The following SNTG2 variants were observed in gnomAD, a reference collection of about 807,000 sequenced individuals.
SNTG2 encodes syntrophin gamma 2, also known as gamma-2-syntrophin.
In SNTG2, 74 loss-of-function variants were observed where a neutral mutation model predicts 70.9. The ratio of observed to expected loss-of-function variants is 1.04; its 90% CI spans 0.86 to 1.27. The LOEUF is 1.27. Ranked by LOEUF, SNTG2 falls within the 50% of genes most tolerant of loss-of-function variation. The probability of loss-of-function intolerance (pLI) is 0.00; values close to 1 mark genes in which losing one functional copy is unlikely to be tolerated. For synonymous variants in SNTG2, 278 were observed against 273.8 expected (o/e 1.02, Z -0.15); for missense variants, 717 against 690.7 (o/e 1.04, Z -0.43).
intron 1 of SNTG2, among the ~76,000 whole-genome samples, chr2:962,716 G>A (rs987542514): frequency 1.3e-5 from 2 of 152,162 alleles, no homozygotes; most frequent in African/African-American, 4.8e-5. Context: ...ACCTCATGAT[G>A]TTAAGTAATG....
chr2:1,135,095 G>A (rs202191859), intron 4 of SNTG2, among the ~76,000 whole-genome samples: 3 of 152,168 alleles, frequency 2.0e-5, no homozygotes, highest in Non-Finnish European at 2.9e-5. Context: ...CCCTATGTGC[G>A]TTTTTCTGAT....
In SNTG2 at chr2:1,097,708, A is replaced by G. The variant is rs190866923; in HGVS notation, c.211-488A>G. On this transcript the variant is annotated intron_variant, in intron 2 of 16. Transcript: ENST00000308624. The surrounding 1 kb of genome is among the most constrained non-coding windows in gnomAD (Gnocchi z 4.1). ...GACATCTGTGGTCAGAGGACGTGAA[A>G]AAATGGATCATTCATGAATTAATAT... 9.9e-5 allele frequency among the ~76,000 whole-genome samples: 15 copies of G among 152,218 alleles called. No homozygotes were observed. The highest frequency in any genetic ancestry group is 9.2e-4 in the Admixed American group (14 of 15,298).
chr2:1,363,024 G>T (rs1661283279), intron 16 of SNTG2, among the ~76,000 whole-genome samples: 1 of 151,908 alleles, frequency 6.6e-6, no homozygotes, highest in Non-Finnish European at 1.5e-5. Context: ...GAGCATTTCA[G>T]TAGAACTTCC....
In SNTG2 at chr2:1,367,514, C is replaced by T. The variant is rs769317630; in HGVS notation, c.*40C>T. 5 of 1,544,154 alleles carry T rather than the reference C, an allele frequency of 3.2e-6. No homozygotes were observed. The highest frequency in any genetic ancestry group is 2.4e-5 in the South Asian group (2 of 82,794). ...GAGTGCTGAAAAATTAAATTATTTT[C>T]GTAAGAAATGATTCTTTCCTGCAGA... is the stretch of plus-strand genomic sequence containing the variant. On this transcript the variant is annotated 3_prime_UTR_variant, in exon 17 of 17. Transcript: ENST00000308624.
At chr2:1,206,745 G>T (rs975650396) in intron 8 of SNTG2, among the ~76,000 whole-genome samples, 1 of 152,022 alleles carries the variant, frequency 6.6e-6, no homozygotes, top group Non-Finnish European at 1.5e-5. Flanking sequence ...AGAAAAAATG[G>T]GTTTTCTCAG....
intron 9 of SNTG2, among the ~76,000 whole-genome samples, chr2:1,212,065 C>T (rs1416668359): frequency 1.3e-5 from 2 of 152,148 alleles, no homozygotes; most frequent in African/African-American, 4.8e-5. Flanking sequence ...CTATCACACA[C>T]TGATTTGGTT....
At chr2:1,297,533 C>T (rs1176805689) in intron 14 of SNTG2, among the ~76,000 whole-genome samples, 1 of 151,294 alleles carries the variant, frequency 6.6e-6, no homozygotes, top group Non-Finnish European at 1.5e-5. Context: ...AGCCCTGCAC[C>T]TCTGCAGCTC....
chr2:1,130,212 A>G (rs1192619174), intron 4 of SNTG2, among the ~76,000 whole-genome samples: 1 of 152,190 alleles, frequency 6.6e-6, no homozygotes, highest in African/African-American at 2.4e-5. Context: ...ATGGACATGG[A>G]CATCCCAGAT....
intron 14 of SNTG2, among the ~76,000 whole-genome samples, chr2:1,302,822 A>G (rs114044964): frequency 0.034 from 5,159 of 152,278 alleles, 129 homozygotes; most frequent in Non-Finnish European, 0.051. Context: ...ACCTTGATCA[A>G]AGGAAAGCAA....
intron 14 of SNTG2, among the ~76,000 whole-genome samples, chr2:1,274,287 G>T (rs1679180854): frequency 6.6e-6 from 1 of 152,178 alleles, no homozygotes; most frequent in African/African-American, 2.4e-5. Context: ...ATGCAAAAAT[G>T]CTCATAACAG....
At chr2:1,308,920 C>T (rs1006037261) in intron 15 of SNTG2, among the ~76,000 whole-genome samples, 2 of 152,138 alleles carry the variant, frequency 1.3e-5, no homozygotes, top group Non-Finnish European at 2.9e-5. Flanking sequence ...TCTGAACATT[C>T]GTGGTAGCGG....
chr2:963,064 A>G (rs916131708), intron 1 of SNTG2, among the ~76,000 whole-genome samples: 1 of 152,146 alleles, frequency 6.6e-6, no homozygotes, highest in Non-Finnish European at 1.5e-5. Flanking sequence ...GTGTCATACT[A>G]TTCAAAAACT....
intron 11 of SNTG2, among the ~76,000 whole-genome samples, chr2:1,241,765 A>C (rs949691301): frequency 6.6e-6 from 1 of 152,148 alleles, no homozygotes; most frequent in Non-Finnish European, 1.5e-5. Context: ...CCTCAGAGGC[A>C]GTGGGCGGCC....
At chr2:1,171,318 A>G (rs1353450203) in intron 7 of SNTG2, among the ~76,000 whole-genome samples, 8 of 152,200 alleles carry the variant, frequency 5.3e-5, no homozygotes, top group Admixed American at 3.3e-4. Flanking sequence ...CTGTTAGCTC[A>G]TTCAGTCAAT....
intron 4 of SNTG2, among the ~76,000 whole-genome samples, chr2:1,120,995 A>G (rs544964023): frequency 6.6e-6 from 1 of 152,058 alleles, no homozygotes; most frequent in Non-Finnish European, 1.5e-5. Flanking sequence ...TGGATAGACC[A>G]TATATTAGGC....
At chr2:1,043,059 C>T (rs1661529647) in intron 1 of SNTG2, among the ~76,000 whole-genome samples, 1 of 152,128 alleles carries the variant, frequency 6.6e-6, no homozygotes, top group African/African-American at 2.4e-5. Context: ...TAATAATAGC[C>T]ATTCTGACAG....
intron 9 of SNTG2, among the ~76,000 whole-genome samples, chr2:1,213,344 C>G (rs987837961): frequency 2.6e-5 from 4 of 152,092 alleles, no homozygotes; most frequent in African/African-American, 9.7e-5. Flanking sequence ...TATAAAGAAA[C>G]CAATTTTCCC....
At chr2:1,023,546 G>C (rs1159166669) in intron 1 of SNTG2, among the ~76,000 whole-genome samples, 1 of 149,982 alleles carries the variant, frequency 6.7e-6, no homozygotes, top group Non-Finnish European at 1.5e-5. Context: ...ATGGGTAATA[G>C]GTTATTATTA....
chr2:1,141,787 C>CAG (rs111752995), intron 6 of SNTG2, among the ~76,000 whole-genome samples: 150,099 of 152,100 alleles, frequency 0.99, 74,093 homozygotes, highest in East Asian at 1. Flanking sequence ...GCTCTGTACT[C>CAG]AGGGGAGTTA....
Sources: allele counts gnomAD v4.1 joint callset (sites outside exome capture counted in the v4.1 genomes callset), GRCh38; gene constraint gnomAD v4.1.1; non-coding constraint Gnocchi (gnomAD v3.1); transcripts MANE v1.5; gene names NCBI Gene and HGNC (gene_info 2026-07-23, HGNC 2026-07-21).